The following TLN2 variants were observed in gnomAD, a reference collection of about 807,000 sequenced individuals.
TLN2 encodes the protein talin 2.
Under a neutral mutation model 294.7 loss-of-function variants are expected in TLN2, and 118 were observed. That is an observed-to-expected ratio of 0.40 (90% CI 0.34 to 0.47). TLN2 has a LOEUF of 0.47. TLN2 is among the 20% of genes least tolerant of loss of function. The pLI, the probability that TLN2 is intolerant of heterozygous loss-of-function variation, is 0.84. For synonymous variants in TLN2, 1,431 were observed against 1,304.5 expected, an observed-to-expected ratio of 1.10 and a Z score of -2.09; for missense variants, 3,083 against 3,282.2, an observed-to-expected ratio of 0.94 and a Z score of 1.48.
intron 2 of TLN2, among the ~76,000 whole-genome samples, chr15:62,609,752 C>T (rs759898670): frequency 5.9e-5 from 9 of 152,162 alleles, no homozygotes; most frequent in Non-Finnish European, 1.2e-4. Flanking sequence ...TCTTGGCTAG[C>T]TTTTGCCTCT....
chr15:62,470,532 A>G (rs569852168), intron 1 of TLN2, among the ~76,000 whole-genome samples: 1 of 152,342 alleles, frequency 6.6e-6, no homozygotes, highest in East Asian at 1.9e-4. Context: ...CAGGCCTCAG[A>G]GAGCACGGGC....
intron 3 of TLN2, among the ~76,000 whole-genome samples, chr15:62,629,453 C>T (rs1051345246): frequency 6.6e-5 from 10 of 152,290 alleles, no homozygotes; most frequent in South Asian, 4.1e-4. Flanking sequence ...CTAGGCTGAG[C>T]TTCGGGAGGT....
rs551265944 is a variant in TLN2 at position 62,696,998 on chromosome 15, C to T, written c.1293-690C>T. On this transcript the variant is annotated intron_variant, in intron 14 of 58. Transcript: ENST00000636159. The stretch of plus-strand genomic sequence containing the variant: ...AATGGAACCTGGCACAAGGTTGATA[C>T]TTGTTTAATGAATGTTCTTTCAGAT... Among the ~76,000 whole-genome samples the T allele has an allele frequency of 4.3e-4, 65 of 152,272 alleles. 1 individual carries two copies. In the South Asian group the frequency reaches 0.013, roughly 32 times the overall value.
chr15:62,641,621 A>AAAAAAT (rs1192867117), intron 3 of TLN2, among the ~76,000 whole-genome samples: 3 of 146,452 alleles, frequency 2.0e-5, no homozygotes, highest in African/African-American at 7.6e-5. Context: ...AGCTCCATCT[A>AAAAAAT]AAAAATAAAA....
intron 52 of TLN2, among the ~76,000 whole-genome samples, chr15:62,811,214 C>G (rs767427235): frequency 4.6e-5 from 7 of 152,202 alleles, no homozygotes; most frequent in Non-Finnish European, 8.8e-5. Flanking sequence ...GTGGTCAATT[C>G]TGAAGTGCAT....
At chr15:62,656,284 A>T (rs534670416) in intron 8 of TLN2, among the ~76,000 whole-genome samples, 198 bp downstream of exon 8, 1 of 152,166 alleles carries the variant, frequency 6.6e-6, no homozygotes, top group Non-Finnish European at 1.5e-5. Flanking sequence ...GACCATCCGG[A>T]GTAGGGCCTC....
In TLN2 at chr15:62,739,554, G is replaced by A. The variant is rs1382417192; in HGVS notation, c.3885+9G>A. ...TGGCTGGCCAAGCTCAGGTGGGTGT[G>A]GAGGTGGTTGTCTGGAGTTGACCTT... is the stretch of plus-strand genomic sequence containing the variant. On this transcript the variant is annotated intron_variant, in intron 31 of 58. Transcript: ENST00000636159. 5.0e-6 allele frequency: 8 copies of A among 1,614,010 alleles called. No individual in the cohort carries two copies. Among genetic ancestry groups the A allele is most frequent in the Non-Finnish European group, 6.8e-6 (8 of 1,179,956 alleles).
At chr15:62,666,899 T>C (rs1167600765) in intron 9 of TLN2, among the ~76,000 whole-genome samples, 1 of 152,248 alleles carries the variant, frequency 6.6e-6, no homozygotes, top group African/African-American at 2.4e-5. Context: ...TGTTACAAGA[T>C]GCCGGGCCTC....
chr15:62,638,794 A>T lies in TLN2; in HGVS notation c.-36-8481A>T, dbSNP rs1391017782. On this transcript the variant is annotated intron_variant, in intron 3 of 58. Transcript: ENST00000636159. ...TGTGTCAGGTACTTTATTGTGAGCAATACACGTGGTCCTTGCCCTTGGGGA... is the reference window on the plus strand; with the variant it reads ...TGTGTCAGGTACTTTATTGTGAGCATTACACGTGGTCCTTGCCCTTGGGGA... Among the ~76,000 whole-genome samples the T allele has an allele frequency of 3.3e-5, 5 of 152,106 alleles. No individual in the cohort carries two copies. In the South Asian group the frequency reaches 1.0e-3, roughly 32 times the overall value.
chr15:62,777,222 A>G (rs1000866989), intron 43 of TLN2, among the ~76,000 whole-genome samples: 1 of 152,054 alleles, frequency 6.6e-6, no homozygotes, highest in Non-Finnish European at 1.5e-5. Context: ...TGGGGGAACA[A>G]TTGCCAAAAT....
intron 1 of TLN2, among the ~76,000 whole-genome samples, chr15:62,544,181 A>G (rs2041859907): frequency 6.6e-6 from 1 of 152,228 alleles, no homozygotes; most frequent in African/African-American, 2.4e-5. Flanking sequence ...TTCCTTAAAA[A>G]TGATATTTCT....
At chr15:62,427,788 C>T (rs1235628735) in intron 1 of TLN2, among the ~76,000 whole-genome samples, 1 of 152,170 alleles carries the variant, frequency 6.6e-6, no homozygotes, top group Non-Finnish European at 1.5e-5. Flanking sequence ...GGGGTCTCTT[C>T]CTTGGGAAGC....
intron 32 of TLN2, among the ~76,000 whole-genome samples, chr15:62,744,577 C>T (rs1331953840): frequency 2.0e-5 from 3 of 151,548 alleles, no homozygotes; most frequent in African/African-American, 4.8e-5. Context: ...GATGGAATTT[C>T]GCTCCGTCGC....
At position 62,843,362 on chromosome 15, in the gene TLN2, T is replaced by C. The variant is rs2070896680; in HGVS notation, c.*2752T>C. The C allele has an allele frequency of 6.6e-6, 1 of 152,260 alleles. No homozygotes were observed. Among genetic ancestry groups the C allele is most frequent in the Non-Finnish European group, 1.5e-5 (1 of 68,052 alleles). The allele number at this position is 152,260 out of a possible 1,614,324, so 9.4% of individuals were successfully genotyped here. A position where few individuals can be genotyped will look rare whatever the true frequency, so the allele number is the denominator to read the frequency against. ...CTTGGGCCTTTCAGGAGTCTTTAGA[T>C]AGGGATGCTGAGGTCATATTTAGTT... On this transcript the variant is annotated 3_prime_UTR_variant, in exon 59 of 59. Coordinates refer to ENST00000636159, the MANE Select transcript of TLN2 (RefSeq NM_015059.3).
At chr15:62,432,041 G>T (rs1261748948) in intron 1 of TLN2, among the ~76,000 whole-genome samples, 1 of 152,192 alleles carries the variant, frequency 6.6e-6, no homozygotes, top group African/African-American at 2.4e-5. Flanking sequence ...AAATTCACTT[G>T]TGACTCAGAA....
At chr15:62,467,946 C>T (rs1189551405) in intron 1 of TLN2, among the ~76,000 whole-genome samples, 2 of 152,092 alleles carry the variant, frequency 1.3e-5, no homozygotes, top group African/African-American at 4.8e-5. Flanking sequence ...AAAGACACAT[C>T]CTTGGCATAG....
chr15:62,574,245 AT>A (rs1567123890), intron 1 of TLN2, among the ~76,000 whole-genome samples: 2 of 151,476 alleles, frequency 1.3e-5, no homozygotes, highest in African/African-American at 2.4e-5. Context: ...TCATCTAGAA[AT>A]TTTTTTTGCC....
At chr15:62,467,176 G>T (rs2037181656) in intron 1 of TLN2, among the ~76,000 whole-genome samples, 1 of 152,210 alleles carries the variant, frequency 6.6e-6, no homozygotes, top group Non-Finnish European at 1.5e-5. Context: ...GGAGGCCGGA[G>T]TCCTGGGTTC....
intron 2 of TLN2, among the ~76,000 whole-genome samples, chr15:62,614,333 A>T (rs1312661136): frequency 6.6e-6 from 1 of 152,208 alleles, no homozygotes; most frequent in Non-Finnish European, 1.5e-5. Flanking sequence ...TTGAATTAAA[A>T]ACTTTCTGTC....
Sources: allele counts gnomAD v4.1 joint callset (sites outside exome capture counted in the v4.1 genomes callset), GRCh38; gene constraint gnomAD v4.1.1; transcripts MANE v1.5; gene names NCBI Gene and HGNC (gene_info 2026-07-23, HGNC 2026-07-21).